The following SLC2A7 variants were observed in gnomAD, a reference collection of about 807,000 sequenced individuals.
SLC2A7 encodes solute carrier family 2 member 7.
A neutral mutation model predicts 50.5 loss-of-function variants in SLC2A7; 50 were observed. The observed-to-expected ratio is 0.99, with a 90% CI of 0.79 to 1.25. SLC2A7 has a LOEUF of 1.25. Ranked by LOEUF, SLC2A7 falls within the 50% of genes most tolerant of loss-of-function variation. The pLI is 0.00. For synonymous variants in SLC2A7, 308 were observed against 300.4 expected, an observed-to-expected ratio of 1.03 and a Z score of -0.26; for missense variants, 683 against 679.1, an observed-to-expected ratio of 1.01 and a Z score of -0.06.
At chr1:9,017,685 G>A (rs767695999) in intron 5 of SLC2A7, among the ~76,000 whole-genome samples, 6 of 152,060 alleles carry the variant, frequency 3.9e-5, no homozygotes, top group African/African-American at 1.4e-4. Context: ...TTAATCAATC[G>A]GCTTCGTGTC....
intron 11 of SLC2A7, among the ~76,000 whole-genome samples, chr1:9,004,543 TGTCA>T (rs944761559): frequency 7.0e-6 from 1 of 143,476 alleles, no homozygotes; most frequent in African/African-American, 2.5e-5. Context: ...CCCTTTACAA[TGTCA>T]GCAGGGGATC....
downstream of SLC2A7, among the ~76,000 whole-genome samples, chr1:9,000,892 G>A (rs547158128): frequency 2.6e-5 from 4 of 151,906 alleles, no homozygotes; most frequent in African/African-American, 4.8e-5. Flanking sequence ...GATCAGAAGC[G>A]GAAGAAGCCT....
Position 9,013,587 on chromosome 1 carries a change from C to A in SLC2A7, c.952G>T (p.Ala318Ser). The change falls in exon 8 of 12, where the codon GCT becomes TCT. Residue 318 changes from alanine to serine, a missense_variant. Physicochemically the swap from Ala to Ser is moderately conservative, Grantham distance 99. Coordinates refer to ENST00000400906, the MANE Select transcript of SLC2A7 (RefSeq NM_207420.3). ...CCCACCGTTACATATTGGGAGTGAG[C>A]GGCCTCCACGCCCGCAGATGTGTAG... ...TIYTSAGVEA[A>S]HSQYVTVGSG... 1.9e-6 allele frequency: 3 copies of A among 1,614,018 alleles called. No homozygotes were observed. Among genetic ancestry groups the A allele is most frequent in the Non-Finnish European group, 2.5e-6 (3 of 1,179,972 alleles).
chr1:9,004,727 G>T, intron 11 of SLC2A7, 25 bp downstream of exon 11: 1 of 1,613,380 alleles, frequency 6.2e-7, no homozygotes, highest in East Asian at 2.2e-5. Context: ...CGGTGGAGCG[G>T]GTTGGGGAAG....
chr1:9,026,210 G>T, intron 1 of SLC2A7, 85 bp downstream of exon 1: 1 of 1,439,334 alleles, frequency 6.9e-7, no homozygotes, highest in South Asian at 1.2e-5. Context: ...CTTGCTAAAA[G>T]CATTCCACGG....
At chr1:9,017,508 C>G (rs1640848399) in intron 5 of SLC2A7, among the ~76,000 whole-genome samples, 1 of 152,224 alleles carries the variant, frequency 6.6e-6, no homozygotes, top group African/African-American at 2.4e-5. Context: ...GGTCTCCCCA[C>G]TCAGTCCATT....
chr1:9,022,867 T>A, intron 3 of SLC2A7, 51 bp downstream of exon 3: 1 of 1,598,164 alleles, frequency 6.3e-7, no homozygotes, highest in Admixed American at 1.7e-5. Context: ...CCAGAGACAG[T>A]GTGGCTTACT....
chr1:9,020,557 CCCA>C (rs1432310439), intron 3 of SLC2A7, among the ~76,000 whole-genome samples: 2 of 145,628 alleles, frequency 1.4e-5, no homozygotes, highest in African/African-American at 5.1e-5. Context: ...TGTGCCCCCC[CCCA>C]CCCCCCCGCC....
chr1:9,002,365 C>T (rs1290999898), downstream of SLC2A7, among the ~76,000 whole-genome samples: 1 of 152,162 alleles, frequency 6.6e-6, no homozygotes, highest in African/African-American at 2.4e-5. Flanking sequence ...CCCGAGCGTA[C>T]GTTCTGTTTA....
chr1:8,995,474 C>T, the SLC2A7 span, among the ~76,000 whole-genome samples: 1 of 148,706 alleles, frequency 6.7e-6, no homozygotes, highest in Non-Finnish European at 1.5e-5. Context: ...TGGCCAGGCA[C>T]GGTGGCCTAC....
chr1:9,024,920 AC>A, intron 2 of SLC2A7, 55 bp downstream of exon 2: 1 of 1,587,580 alleles, frequency 6.3e-7, no homozygotes, highest in Non-Finnish European at 8.6e-7. Flanking sequence ...GCTACCTTCC[AC>A]CCACGACCCC....
At chr1:9,024,860 G>T (rs1412848347) in intron 2 of SLC2A7, 116 bp downstream of exon 2, 68 of 1,163,910 alleles carry the variant, frequency 5.8e-5, no homozygotes, top group Admixed American at 1.2e-4. Flanking sequence ...CCAAAGGCAA[G>T]ATGGTGCCTC....
chr1:9,022,502 T>C (rs1005413535), intron 3 of SLC2A7, among the ~76,000 whole-genome samples: 1 of 152,114 alleles, frequency 6.6e-6, no homozygotes, highest in African/African-American at 2.4e-5. Context: ...GACCCCAGCC[T>C]CAGTAACAAA....
At chr1:9,018,471 T>G in intron 4 of SLC2A7, 96 bp from the exon 5 acceptor site, 1 of 1,512,540 alleles carries the variant, frequency 6.6e-7, no homozygotes, top group Non-Finnish European at 8.9e-7. Flanking sequence ...GGCTTCTCCA[T>G]GCTGTCAGCC....
intron 10 of SLC2A7, among the ~76,000 whole-genome samples, 183 bp from the exon 11 acceptor site, chr1:9,005,062 A>G (rs1287005224): frequency 1.3e-5 from 2 of 152,220 alleles, no homozygotes; most frequent in Admixed American, 6.5e-5. Flanking sequence ...GGAGCTGCAA[A>G]GATCCACTTT....
At chr1:9,017,641 G>A (rs550493908) in intron 5 of SLC2A7, among the ~76,000 whole-genome samples, 2 of 152,304 alleles carry the variant, frequency 1.3e-5, no homozygotes, top group South Asian at 2.1e-4. Flanking sequence ...AAGGCTCTGC[G>A]AATCTGGTTA....
In SLC2A7 at chr1:9,023,058, G is replaced by A. The variant is rs746026037; in HGVS notation, c.171C>T (p.Asn57=). 41 of 1,613,612 alleles carry A rather than the reference G, an allele frequency of 2.5e-5. No individual in the cohort carries two copies. Among genetic ancestry groups the A allele is most frequent in the Admixed American group, 1.2e-4 (7 of 59,958 alleles). ...TTGCGTGTCGCTCAAAGTAGGTTTC[G>A]TTGTAAAATGACTTGAAGACCTGGA... ...TPHKVFKSFY[N]ETYFERHATF... Residue 57 remains asparagine (N), a synonymous_variant, in exon 3 of 12, where the codon AAC becomes AAT. Transcript: ENST00000400906.
intron 2 of SLC2A7, among the ~76,000 whole-genome samples, chr1:9,024,098 A>C (rs1384865171): frequency 6.6e-6 from 1 of 152,076 alleles, no homozygotes; most frequent in Non-Finnish European, 1.5e-5. Context: ...TCAGGTGATC[A>C]GGTGATCCAC....
chr1:9,003,462 C>T lies in SLC2A7; in HGVS notation c.1377G>A (p.Ala459=), dbSNP rs745770508. ...CCGGAATAACCACGTAGATGTAAAT[C>T]GCAGTGAGGAGGCAGATTCCGGCAA... is the stretch of plus-strand genomic sequence containing the variant. ...IIFAGICLLT[A]IYIYVVIPET... is the part of the protein sequence containing the mutation. The change falls in exon 12 of 12, where the codon GCG becomes GCA. Residue 459 remains alanine (A), a synonymous_variant. Transcript: ENST00000400906. 4 of 1,614,186 alleles carry T rather than the reference C, an allele frequency of 2.5e-6. No homozygotes were observed. The highest frequency in any genetic ancestry group is 4.5e-5 in the East Asian group (2 of 44,888).
Sources: gnomAD v4.1 joint callset for allele counts (sites outside exome capture counted in the v4.1 genomes callset) on GRCh38, gnomAD v4.1.1 for gene constraint, MANE v1.5 for transcripts, NCBI Gene and HGNC (gene_info 2026-07-23, HGNC 2026-07-21) for gene names.